The following BLNK variants were observed in gnomAD, a reference collection of about 807,000 sequenced individuals.
The protein encoded by BLNK is B-cell linker protein.
Under a neutral mutation model 73.5 loss-of-function variants are expected in BLNK, and 29 were observed. The observed-to-expected ratio is 0.39, with a 90% confidence interval of 0.29 to 0.54. BLNK has a LOEUF of 0.54. Ranked by LOEUF, BLNK falls within the 20% of genes least tolerant of loss-of-function variation. The pLI is 0.61. For synonymous variants in BLNK, 176 were observed against 200.8 expected, an observed-to-expected ratio of 0.88 and a Z score of 1.04; for missense variants, 460 against 562.8, an observed-to-expected ratio of 0.82 and a Z score of 1.85.
intron 6 of BLNK, among the ~76,000 whole-genome samples, chr10:96,219,606 C>T (rs925757472): frequency 1.3e-5 from 2 of 152,168 alleles, no homozygotes; most frequent in Non-Finnish European, 2.9e-5. Flanking sequence ...GTATTCTTTC[C>T]TCTGTATTCT....
At chr10:96,238,240 T>A (rs950317666) in intron 3 of BLNK, among the ~76,000 whole-genome samples, 2 of 152,262 alleles carry the variant, frequency 1.3e-5, no homozygotes, top group Non-Finnish European at 2.9e-5. Context: ...GAAGAGGGTA[T>A]GGTGACTCTT....
intron 13 of BLNK, 22 bp downstream of exon 13, chr10:96,204,035 T>C (rs2083729594): frequency 6.2e-7 from 1 of 1,607,702 alleles, no homozygotes; most frequent in Non-Finnish European, 8.5e-7. Flanking sequence ...CCTGATACAC[T>C]ACATGGCTTC....
chr10:96,270,336 G>A (rs527811854), intron 1 of BLNK, among the ~76,000 whole-genome samples: 1 of 152,120 alleles, frequency 6.6e-6, no homozygotes, highest in African/African-American at 2.4e-5. Flanking sequence ...CTGGCTCATT[G>A]TTATCTGTGA....
chr10:96,215,405 G>A lies in BLNK; in HGVS notation c.608-16C>T, dbSNP rs2084041575. On this transcript the variant is annotated splice_polypyrimidine_tract_variant and intron_variant, in intron 7 of 16. Transcript: ENST00000224337. ...ACCATGGGAGCTTAAACACAGAAAT[G>A]TGTGTGTATATATATATATATATAT... The A allele has an allele frequency of 4.5e-6, 7 of 1,549,932 alleles. No homozygotes were observed. Among genetic ancestry groups the A allele is most frequent in the South Asian group, 1.1e-5 (1 of 89,912 alleles).
intron 6 of BLNK, among the ~76,000 whole-genome samples, chr10:96,222,821 A>C (rs1219945544): frequency 6.6e-6 from 1 of 152,196 alleles, no homozygotes; most frequent in Admixed American, 6.5e-5. Context: ...TGGAGGAAAG[A>C]AAGCAAGGTG....
At chr10:96,242,247 T>G (rs1207974396) in intron 3 of BLNK, among the ~76,000 whole-genome samples, 1 of 152,204 alleles carries the variant, frequency 6.6e-6, no homozygotes, top group Non-Finnish European at 1.5e-5. Flanking sequence ...GCATTCTACC[T>G]TGCCTGCCGC....
rs781881941 is a variant in BLNK, at chr10:96,192,109, T to C, written c.1252-17A>G. ...TCCAAAGTACTAGAGGAAGAAAACA[T>C]AGATGAATTATACTTTGGCATTTGT... is the stretch of plus-strand genomic sequence containing the variant. On this transcript the variant is annotated splice_polypyrimidine_tract_variant and intron_variant, in intron 16 of 16. Transcript: ENST00000224337. 47 of 1,613,126 alleles carry C rather than the reference T, an allele frequency of 2.9e-5. No individual in the cohort carries two copies. Among genetic ancestry groups the C allele is most frequent in the Admixed American group, 1.3e-4 (8 of 60,000 alleles).
chr10:96,192,386 C>A (rs1270120388), intron 16 of BLNK, among the ~76,000 whole-genome samples: 1 of 152,000 alleles, frequency 6.6e-6, no homozygotes, highest in Non-Finnish European at 1.5e-5. Context: ...TTTTATTTAC[C>A]GTTAAATGTA....
intron 1 of BLNK, among the ~76,000 whole-genome samples, chr10:96,261,193 T>G (rs1843741654): frequency 6.6e-6 from 1 of 152,202 alleles, no homozygotes; most frequent in African/African-American, 2.4e-5. Context: ...GTCCCCAAAA[T>G]ACACTCATTT....
chr10:96,262,597 A>G (rs1232763063), intron 1 of BLNK, among the ~76,000 whole-genome samples: 1 of 152,194 alleles, frequency 6.6e-6, no homozygotes, highest in Non-Finnish European at 1.5e-5. Flanking sequence ...ACCTCTTAAA[A>G]TACCACGTTG....
intron 1 of BLNK, 108 bp downstream of exon 1, chr10:96,271,244 C>G: frequency 7.5e-7 from 1 of 1,341,620 alleles, no homozygotes; most frequent in Non-Finnish European, 1.1e-6. Context: ...GTGCCACCCA[C>G]TGGAAACTAG....
Position 96,207,044 on chromosome 10 carries a change from C to T in BLNK, c.784G>A (p.Ala262Thr). The T allele has an allele frequency of 6.2e-7, 1 of 1,613,824 alleles. No individual in the cohort carries two copies. The highest frequency in any genetic ancestry group is 8.5e-7 in the Non-Finnish European group (1 of 1,179,850). Residue 262 changes from alanine (A) to threonine (T), a missense_variant, in exon 11 of 17, where the codon GCC (alanine) becomes ACC (threonine). Physicochemically the swap from Ala to Thr is moderately conservative, Grantham distance 58. Coordinates refer to ENST00000224337, the MANE Select transcript of BLNK (RefSeq NM_013314.4). ...PTTPLKTTPV[A>T]SQQNASSVCE... ...ACACTTGAAGCATTCTGTTGAGAGG[C>T]AACTGGAGTCTATGTAAAAGAAAAA...
chr10:96,216,846 A>G, intron 6 of BLNK, 112 bp from the exon 7 acceptor site: 1 of 865,780 alleles, frequency 1.2e-6, no homozygotes, highest in Non-Finnish European at 1.9e-6. Context: ...ACATATCATA[A>G]AATTCTACTA....
chr10:96,250,895 T>G (rs1843256249), intron 1 of BLNK, among the ~76,000 whole-genome samples: 2 of 152,226 alleles, frequency 1.3e-5, no homozygotes, highest in Non-Finnish European at 2.9e-5. Context: ...CTTTTTAAAG[T>G]TGATGCATAA....
At chr10:96,206,725 T>C (rs967110378) in intron 11 of BLNK, among the ~76,000 whole-genome samples, 1 of 152,244 alleles carries the variant, frequency 6.6e-6, no homozygotes, top group East Asian at 1.9e-4. Flanking sequence ...TGAATGGCTC[T>C]ACGTTAGTTT....
chr10:96,207,956 A>G (rs1205829121), intron 9 of BLNK, 57 bp from the exon 10 acceptor site: 2 of 1,543,962 alleles, frequency 1.3e-6, no homozygotes, highest in African/African-American at 1.4e-5. Context: ...AAATGGAGCT[A>G]TTTACCATTA....
rs2083294927 is a variant in BLNK, at chr10:96,189,391, G to C, written c.*2582C>G. On this transcript the variant is annotated 3_prime_UTR_variant, in exon 17 of 17. Transcript: ENST00000224337. ...AGACTTCCTCCACTGCCAGGATCTT[G>C]AATAGTCTCCTGGTCAGTTGTCCGG... 6.8e-6 allele frequency: 4 copies of C among 584,070 alleles called. No individual in the cohort carries two copies. Among genetic ancestry groups the C allele is most frequent in the South Asian group, 2.8e-5 (2 of 70,284 alleles). The allele number at this position is 584,070 out of a possible 1,614,324, so 36.2% of individuals were successfully genotyped here. A position where few individuals can be genotyped will look rare whatever the true frequency, so the allele number is the denominator to read the frequency against.
rs587663692 is a variant in BLNK at position 96,207,978 on chromosome 10, A to G, written c.747-79T>C. The G allele has an allele frequency of 1.3e-4, 182 of 1,445,534 alleles. No individual in the cohort carries two copies. The African/African-American group carries it at 2.3e-3, about 18-fold the overall frequency. The allele number at this position is 1,445,534 out of a possible 1,614,324, so 89.5% of individuals were successfully genotyped here. ...GCTATTTACCATTATTTTAGTCTCAAATTTAAGCTAGAATTATGAAAGCGA... is the reference window on the plus strand; with the variant it reads ...GCTATTTACCATTATTTTAGTCTCAGATTTAAGCTAGAATTATGAAAGCGA... On this transcript the variant is annotated intron_variant, in intron 9 of 16. Transcript: ENST00000224337.
intron 1 of BLNK, among the ~76,000 whole-genome samples, chr10:96,252,614 TTTCTC>T (rs1441007006): frequency 2.0e-5 from 3 of 152,222 alleles, no homozygotes; most frequent in Non-Finnish European, 4.4e-5. Context: ...ACTGTTGACT[TTTCTC>T]TGTATGAATT....
Sources: gnomAD v4.1 joint callset for allele counts (sites outside exome capture counted in the v4.1 genomes callset) on GRCh38, gnomAD v4.1.1 for gene constraint, MANE v1.5 for transcripts, NCBI Gene and HGNC (gene_info 2026-07-23, HGNC 2026-07-21) for gene names.